Variants in PPFIA3 observed in about 807,000 individuals in gnomAD.
PPFIA3 encodes PPFI scaffold protein A3, also known as liprin-alpha-3.
Under a neutral mutation model 145.8 loss-of-function variants are expected in PPFIA3, and 26 were observed. The observed-to-expected ratio is 0.18, with a 90% confidence interval of 0.13 to 0.25. The LOEUF is 0.25. Ranked by LOEUF, PPFIA3 falls within the 10% of genes least tolerant of loss-of-function variation. PPFIA3 has a pLI of 1.00. For missense variants in PPFIA3, 1,008 were observed against 1,587.8 expected, an observed-to-expected ratio of 0.63 and a Z score of 6.21; for synonymous variants, 645 against 661.4, an observed-to-expected ratio of 0.98 and a Z score of 0.38.
intron 21 of PPFIA3, chr19:49,145,643 G>A (rs1344882180): frequency 2.3e-6 from 1 of 431,300 alleles, no homozygotes; most frequent in Non-Finnish European, 4.3e-6. Flanking sequence ...CCCCACTTCT[G>A]AATCCTCATT....
chr19:49,135,842 C>T lies in PPFIA3; in HGVS notation c.1584C>T (p.Ala528=), dbSNP rs2041130914. The T allele has an allele frequency of 3.1e-6, 5 of 1,614,044 alleles. No homozygotes were observed. Among genetic ancestry groups the T allele is most frequent in the Non-Finnish European group, 4.2e-6 (5 of 1,179,984 alleles). The change falls in exon 14 of 30, where the codon GCC becomes GCT. Residue 528 remains alanine (A), a synonymous_variant. Coordinates refer to ENST00000334186, the MANE Select transcript of PPFIA3 (RefSeq NM_003660.4). ...YSQAPTLPSG[A]HLDPYVAGSG... is the part of the protein sequence containing the mutation. ...AGGCACCCACTTTACCTTCTGGTGC[C>T]CACCTGGATCCCTATGTGGCTGGCA...
rs2041059221 is a variant in PPFIA3 at position 49,130,718 on chromosome 19, T to G, written c.879+119T>G. ...CAGTCCACAGGCTGGGTGACTCCTC[T>G]TTGAGATTCAGTTTTCCCACCTGTG... On this transcript the variant is annotated intron_variant, in intron 7 of 29. Coordinates refer to ENST00000334186, the MANE Select transcript of PPFIA3 (RefSeq NM_003660.4). The surrounding 1 kb of genome is among the most constrained non-coding windows in gnomAD (Gnocchi z 4.5). The G allele has an allele frequency of 4.8e-6, 4 of 839,026 alleles. No homozygotes were observed. Among genetic ancestry groups the G allele is most frequent in the Non-Finnish European group, 7.2e-6 (4 of 551,798 alleles). 52.0% of individuals were successfully genotyped at this position (839,026 alleles called of 1,614,324 possible). A position where few individuals can be genotyped will look rare whatever the true frequency, so the allele number is the denominator to read the frequency against.
chr19:49,120,909 C>T lies in PPFIA3; in HGVS notation c.-16+1187C>T, dbSNP rs567636910. 3.9e-5 allele frequency among the ~76,000 whole-genome samples: 6 copies of T among 152,294 alleles called. No homozygotes were observed. The highest frequency in any genetic ancestry group is 8.8e-5 in the Non-Finnish European group (6 of 68,014). On this transcript the variant is annotated intron_variant, in intron 1 of 29. Transcript: ENST00000334186. The surrounding 1 kb of genome is among the most constrained non-coding windows in gnomAD (Gnocchi z 4.6). Reference sequence around the variant, plus strand: ...CCTTCCAATCCCCCATCATTTACCTCCACAAGGATTCAGGAGTCCAGGCTC... The same window carrying T: ...CCTTCCAATCCCCCATCATTTACCTTCACAAGGATTCAGGAGTCCAGGCTC...
At position 49,148,674 on chromosome 19, in the gene PPFIA3, T is replaced by C. The variant is rs1252935653; in HGVS notation, c.3020T>C (p.Leu1007Pro). 1 of 1,613,338 alleles carries C rather than the reference T, an allele frequency of 6.2e-7. No individual in the cohort carries two copies. The highest frequency in any genetic ancestry group is 1.1e-5 in the South Asian group (1 of 91,030). ...KMVDSFHRVSLHYGIMCLKRL... is the reference protein window; with the variant it reads ...KMVDSFHRVSPHYGIMCLKRL... Reference sequence around the variant, plus strand: ...CTTCCCCTGCTGCTCAGGGTGAGTCTACATTATGGGATTATGTGCCTGAAA... The same window carrying C: ...CTTCCCCTGCTGCTCAGGGTGAGTCCACATTATGGGATTATGTGCCTGAAA... The change falls in exon 25 of 30, where the codon CTA becomes CCA. Residue 1007 changes from leucine to proline, a missense_variant. By Grantham distance (98) the Leu-to-Pro change is moderately conservative. Around this residue, in one of 11 missense-constraint regions of PPFIA3, gnomAD observed 154 missense variants for 369.2 expected, o/e 0.42. Coordinates refer to ENST00000334186, the MANE Select transcript of PPFIA3 (RefSeq NM_003660.4).
Position 49,130,660 on chromosome 19 carries a change from C to G in PPFIA3, c.879+61C>G. 1.4e-6 allele frequency: 2 copies of G among 1,406,414 alleles called. No individual in the cohort carries two copies. Among genetic ancestry groups the G allele is most frequent in the South Asian group, 1.3e-5 (1 of 77,466 alleles). 87.1% of individuals were successfully genotyped at this position (1,406,414 alleles called of 1,614,324 possible). A position where few individuals can be genotyped will look rare whatever the true frequency, so the allele number is the denominator to read the frequency against. On this transcript the variant is annotated intron_variant, in intron 7 of 29. Transcript: ENST00000334186. The surrounding 1 kb of genome is among the most constrained non-coding windows in gnomAD (Gnocchi z 4.5). The stretch of plus-strand genomic sequence containing the variant: ...CTCGCCTTTCCGTAGAGCTCTCCCT[C>G]GCGCATTGCTCATGAATGGCGGAAC...
Position 49,132,981 on chromosome 19 carries a change from G to A in PPFIA3, c.880-20G>A. 6.2e-7 allele frequency: 1 copy of A among 1,606,474 alleles called. No individual in the cohort carries two copies. The highest frequency in any genetic ancestry group is 8.5e-7 in the Non-Finnish European group (1 of 1,177,466). On this transcript the variant is annotated intron_variant, in intron 7 of 29. Coordinates refer to ENST00000334186, the MANE Select transcript of PPFIA3 (RefSeq NM_003660.4). ...CCCCCAGGGGCTCGCAGTCCACGGG[G>A]CCCTTTGCTACCTCCGCAGGCGCTG...
At chr19:49,135,016 T>G in intron 13 of PPFIA3, 101 bp downstream of exon 13, 2 of 993,550 alleles carry the variant, frequency 2.0e-6, no homozygotes, top group South Asian at 3.8e-5. Flanking sequence ...CTGAGACTTC[T>G]GACCCCTCTG....
Position 49,129,376 on chromosome 19 carries a change from C to G in PPFIA3, c.508-4C>G, listed in dbSNP as rs181771151. ...GCTGACTGTTGCCCTGCCCCGATCCCCAGGTCCGGGAGCGGCTGCGGATGG... is the reference window on the plus strand; with the variant it reads ...GCTGACTGTTGCCCTGCCCCGATCCGCAGGTCCGGGAGCGGCTGCGGATGG... On this transcript the variant is annotated splice_region_variant and splice_polypyrimidine_tract_variant and intron_variant, in intron 4 of 29. Transcript: ENST00000334186. The G allele has an allele frequency of 4.8e-4, 745 of 1,549,858 alleles. 4 individuals carry two copies. The African/African-American group carries it at 9.0e-3, about 19-fold the overall frequency.
rs145419481 is a variant in PPFIA3 at position 49,145,851 on chromosome 19, C to G, written c.2746-92C>G. On this transcript the variant is annotated intron_variant, in intron 21 of 29. Coordinates refer to ENST00000334186, the MANE Select transcript of PPFIA3 (RefSeq NM_003660.4). The stretch of plus-strand genomic sequence containing the variant: ...CCCCAGAAAGCAGGAGGGACATAAA[C>G]GTGTGGCCCAGGGCCTTCAGGAGGA... 1.1e-5 allele frequency: 12 copies of G among 1,117,918 alleles called. No individual in the cohort carries two copies. The African/African-American group carries it at 1.7e-4, about 16-fold the overall frequency. 69.2% of individuals were successfully genotyped at this position (1,117,918 alleles called of 1,614,324 possible).
chr19:49,144,464 A>G (rs1911717487), intron 21 of PPFIA3, among the ~76,000 whole-genome samples: 1 of 152,104 alleles, frequency 6.6e-6, no homozygotes. Flanking sequence ...CTGTAATTCC[A>G]GCATTTTGGG....
At chr19:49,139,489 C>CAAA (rs370199974) in intron 16 of PPFIA3, among the ~76,000 whole-genome samples, 179 bp from the exon 17 acceptor site, 1 of 64,442 alleles carries the variant, frequency 1.6e-5, no homozygotes, top group Non-Finnish European at 3.2e-5. Flanking sequence ...AACTCCATCT[C>CAAA]AAAAAAAAAA....
Position 49,149,298 on chromosome 19 carries a change from C to T in PPFIA3, c.3327C>T (p.Ser1109=). The T allele has an allele frequency of 1.2e-6, 2 of 1,614,164 alleles. No individual in the cohort carries two copies. The highest frequency in any genetic ancestry group is 1.7e-6 in the Non-Finnish European group (2 of 1,180,036). Residue 1109 remains serine, a synonymous_variant, in exon 27 of 30, where the codon TCC becomes TCT. Transcript: ENST00000334186. The surrounding 1 kb of genome is among the most constrained non-coding windows in gnomAD (Gnocchi z 5.7). ...AGAAGGAATTCAGCAACCTTATCTC[C>T]TTAGGCACAGACAGGCGGCTGGACG... ...LLEKEFSNLI[S]LGTDRRLDED... is the part of the protein sequence containing the mutation.
chr19:49,128,585 T>A lies in PPFIA3; in HGVS notation c.342+117T>A. 1 of 961,860 alleles carries A rather than the reference T, an allele frequency of 1.0e-6. No individual in the cohort carries two copies. The highest frequency in any genetic ancestry group is 1.6e-6 in the Non-Finnish European group (1 of 631,590). The allele number at this position is 961,860 out of a possible 1,614,324, so 59.6% of individuals were successfully genotyped here. A position where few individuals can be genotyped will look rare whatever the true frequency, so the allele number is the denominator to read the frequency against. ...ATTTTTTTCCCCCATCTCGCCTTTC[T>A]GTCTTCTCCTCTTCCCTGCTCCCAC... On this transcript the variant is annotated intron_variant, in intron 3 of 29. Coordinates refer to ENST00000334186, the MANE Select transcript of PPFIA3 (RefSeq NM_003660.4). The surrounding 1 kb of genome is among the most constrained non-coding windows in gnomAD (Gnocchi z 4.1).
At position 49,149,765 on chromosome 19, in the gene PPFIA3, G is replaced by A. The variant is rs561160969; in HGVS notation, c.3526+47G>A. 1 of 1,562,888 alleles carries A rather than the reference G, an allele frequency of 6.4e-7. No homozygotes were observed. The highest frequency in any genetic ancestry group is 1.2e-5 in the South Asian group (1 of 81,722). ...CAGCCCTTCCTCGCTTCCCTAGGGT[G>A]GGGCATGGACCACCTCAGTAGTCCG... On this transcript the variant is annotated intron_variant, in intron 28 of 29. Transcript: ENST00000334186. This position sits in a 1 kb window ranked among gnomAD's most constrained non-coding sequence, Gnocchi z 5.7.
rs761272017 is a variant in PPFIA3, at chr19:49,141,408, C to G, written c.2369-12C>G. On this transcript the variant is annotated splice_polypyrimidine_tract_variant and intron_variant, in intron 18 of 29. Transcript: ENST00000334186. ...TGAGATTTTCCAAATTTCGACCCCT[C>G]CCTGCCTCCAGCTGGAACACCCTCA... 5 of 1,611,948 alleles carry G rather than the reference C, an allele frequency of 3.1e-6. No individual in the cohort carries two copies. The South Asian group carries it at 3.3e-5, about 11-fold the overall frequency.
intron 1 of PPFIA3, among the ~76,000 whole-genome samples, chr19:49,126,674 G>T (rs1371637322): frequency 6.6e-6 from 1 of 151,438 alleles, no homozygotes; most frequent in Non-Finnish European, 1.5e-5. Context: ...CTGGCTAGTA[G>T]GTGAGACCAA....
At chr19:49,125,905 T>C (rs1413345583) in intron 1 of PPFIA3, among the ~76,000 whole-genome samples, 1 of 151,258 alleles carries the variant, frequency 6.6e-6, no homozygotes, top group African/African-American at 2.4e-5. Context: ...GTGACAAGCA[T>C]GGTCCTGGCC....
In PPFIA3 at chr19:49,149,856, C is replaced by A; in HGVS notation, c.3526+138C>A. On this transcript the variant is annotated intron_variant, in intron 28 of 29. Coordinates refer to ENST00000334186, the MANE Select transcript of PPFIA3 (RefSeq NM_003660.4). The surrounding 1 kb of genome is among the most constrained non-coding windows in gnomAD (Gnocchi z 5.7). ...GAATGGACTGCTCCAACGTTCCGGA[C>A]TCCCCCGTCAGGATGAAATGGATAA... The A allele has an allele frequency of 1.6e-6, 2 of 1,216,008 alleles. No homozygotes were observed. The highest frequency in any genetic ancestry group is 2.2e-6 in the Non-Finnish European group (2 of 889,916). 75.3% of individuals were successfully genotyped at this position (1,216,008 alleles called of 1,614,324 possible). A position where few individuals can be genotyped will look rare whatever the true frequency, so the allele number is the denominator to read the frequency against.
At position 49,120,369 on chromosome 19, in the gene PPFIA3, C is replaced by T. The variant is rs1440517533; in HGVS notation, c.-16+647C>T. Among the ~76,000 whole-genome samples, 1 of 152,180 alleles carries T rather than the reference C, an allele frequency of 6.6e-6. No individual in the cohort carries two copies. Among genetic ancestry groups the T allele is most frequent in the Admixed American group, 6.5e-5 (1 of 15,282 alleles). On this transcript the variant is annotated intron_variant, in intron 1 of 29. Transcript: ENST00000334186. This position sits in a 1 kb window ranked among gnomAD's most constrained non-coding sequence, Gnocchi z 4.6. ...GGGTTCTGCCGGCCAGGCTCGTGGC[C>T]CCGTCCTCGGCACCCCAGGTTCCTG... is the stretch of plus-strand genomic sequence containing the variant.
Sources: gnomAD v4.1 joint callset for allele counts (sites outside exome capture counted in the v4.1 genomes callset) on GRCh38, gnomAD v4.1.1 for gene constraint, gnomAD v4.1.1 regional missense constraint, Gnocchi (gnomAD v3.1) non-coding constraint, MANE v1.5 for transcripts, NCBI Gene and HGNC (gene_info 2026-07-23, HGNC 2026-07-21) for gene names.